The following COL28A1 variants were observed in gnomAD, a reference collection of about 807,000 sequenced individuals.
COL28A1 encodes collagen alpha-1(XXVIII) chain.
A neutral mutation model predicts 150.2 loss-of-function variants in COL28A1; 161 were observed. The ratio of observed to expected loss-of-function variants is 1.07; its 90% CI spans 0.94 to 1.22. The LOEUF is 1.22. Ranked by LOEUF, COL28A1 falls within the 50% of genes most tolerant of loss-of-function variation. COL28A1 has a pLI of 0.00. For synonymous variants in COL28A1, 552 were observed against 469.7 expected, an observed-to-expected ratio of 1.18 and a Z score of -2.26; for missense variants, 1,617 against 1,388.3, an observed-to-expected ratio of 1.16 and a Z score of -2.62.
At chr7:7,527,486 G>C (rs182195903) in intron 3 of COL28A1, among the ~76,000 whole-genome samples, 6 of 152,334 alleles carry the variant, frequency 3.9e-5, no homozygotes, top group African/African-American at 1.4e-4. Flanking sequence ...GTAGTTATGA[G>C]GAACATTTAA....
intron 18 of COL28A1, among the ~76,000 whole-genome samples, chr7:7,451,742 T>C (rs1786708824): frequency 6.6e-6 from 1 of 152,182 alleles, no homozygotes; most frequent in African/African-American, 2.4e-5. Context: ...CTTAGTATAC[T>C]GTGTAGCACA....
chr7:7,516,291 T>C (rs1230675294), intron 7 of COL28A1, among the ~76,000 whole-genome samples: 1 of 152,258 alleles, frequency 6.6e-6, no homozygotes, highest in Non-Finnish European at 1.5e-5. Flanking sequence ...AAAATGTGTG[T>C]AAATATTTGT....
At chr7:7,439,792 C>G (rs148557150) in intron 21 of COL28A1, among the ~76,000 whole-genome samples, 414 of 152,278 alleles carry the variant, frequency 2.7e-3, no homozygotes, top group African/African-American at 8.3e-3. Flanking sequence ...TTCCTGGGCT[C>G]ACTCACCACT....
chr7:7,445,125 T>G (rs1036761902), intron 18 of COL28A1, among the ~76,000 whole-genome samples: 8 of 152,172 alleles, frequency 5.3e-5, no homozygotes, highest in Admixed American at 3.9e-4. Context: ...AGCATCATGC[T>G]TCCTGTGCAG....
chr7:7,490,234 A>G (rs1295359789), intron 12 of COL28A1, among the ~76,000 whole-genome samples: 2 of 152,108 alleles, frequency 1.3e-5, no homozygotes, highest in Admixed American at 6.6e-5. Context: ...AATGTGAACC[A>G]TGATTGTTGA....
intron 3 of COL28A1, 44 bp from the exon 4 acceptor site, chr7:7,524,293 C>G (rs537521268): frequency 3.9e-6 from 4 of 1,034,942 alleles, no homozygotes; most frequent in South Asian, 3.8e-5. Context: ...ATTGATAGTT[C>G]TGCCTCCAGC....
intron 27 of COL28A1, among the ~76,000 whole-genome samples, chr7:7,404,965 C>T (rs1783413855): frequency 6.6e-6 from 1 of 152,140 alleles, no homozygotes; most frequent in Non-Finnish European, 1.5e-5. Context: ...CTCACTGCAG[C>T]CTCAACCTCC....
chr7:7,372,073 C>G (rs943310787), intron 32 of COL28A1, among the ~76,000 whole-genome samples: 3 of 152,008 alleles, frequency 2.0e-5, no homozygotes, highest in African/African-American at 7.2e-5. Context: ...CCTCGTGATC[C>G]ACTGTGCCTG....
At chr7:7,468,415 T>C (rs1160257121) in intron 15 of COL28A1, among the ~76,000 whole-genome samples, 1 of 55,956 alleles carries the variant, frequency 1.8e-5, no homozygotes, top group African/African-American at 9.9e-5. Context: ...CAGGAAGAAG[T>C]TGAATCTCTG....
chr7:7,403,133 A>G (rs973844971), intron 27 of COL28A1, among the ~76,000 whole-genome samples: 1 of 152,150 alleles, frequency 6.6e-6, no homozygotes, highest in African/African-American at 2.4e-5. Flanking sequence ...AGGACAGACT[A>G]TCTAATATGA....
chr7:7,375,005 C>T (rs1317983289), intron 31 of COL28A1, among the ~76,000 whole-genome samples: 2 of 152,176 alleles, frequency 1.3e-5, no homozygotes, highest in South Asian at 2.1e-4. Flanking sequence ...TCTGTCCTCC[C>T]ACCTTTGGGA....
At chr7:7,534,090 C>T (rs991686888) in intron 1 of COL28A1, among the ~76,000 whole-genome samples, 1 of 152,006 alleles carries the variant, frequency 6.6e-6, no homozygotes, top group Non-Finnish European at 1.5e-5. Flanking sequence ...ATGGATAAAC[C>T]CCAAAGGGAA....
In COL28A1 at chr7:7,373,865, A is replaced by C. The variant is rs373257171; in HGVS notation, c.2360-319T>G. ...CAGGCGCCCGCCACCTCGCCTGGCT[A>C]ATTTTTTGTATTTTTAGTAGAGACA... On this transcript the variant is annotated intron_variant, in intron 31 of 34. Coordinates refer to ENST00000399429, the MANE Select transcript of COL28A1 (RefSeq NM_001037763.3). This position sits in a 1 kb window ranked among gnomAD's most constrained non-coding sequence, Gnocchi z 4.1. 4.0e-5 allele frequency among the ~76,000 whole-genome samples: 6 copies of C among 151,362 alleles called. No individual in the cohort carries two copies. In the East Asian group the frequency reaches 9.7e-4, roughly 25 times the overall value.
At chr7:7,446,154 G>A (rs1449476030) in intron 18 of COL28A1, among the ~76,000 whole-genome samples, 1 of 151,804 alleles carries the variant, frequency 6.6e-6, no homozygotes, top group East Asian at 1.9e-4. Flanking sequence ...CACCGTGCCT[G>A]GCCAGTAATG....
Position 7,532,835 on chromosome 7 carries a change from G to A in COL28A1, c.41C>T (p.Ser14Leu). 1 of 1,611,552 alleles carries A rather than the reference G, an allele frequency of 6.2e-7. No individual in the cohort carries two copies. Among genetic ancestry groups the A allele is most frequent in the Non-Finnish European group, 8.5e-7 (1 of 1,179,060 alleles). ...GGATACTGTTTGACTCGTAAACGCT[G>A]ACAAAAGCAGGAGATAGAAGACAAA... Reference protein sequence around the residue: ...RYFVFYLLLLSAFTSQTVSGQ... With the variant: ...RYFVFYLLLLLAFTSQTVSGQ... The change falls in exon 2 of 35, where the codon TCA (serine) becomes TTA (leucine). Residue 14 changes from serine to leucine, a missense_variant. Ser to Leu is a moderately radical substitution (Grantham distance 145). Coordinates refer to ENST00000399429, the MANE Select transcript of COL28A1 (RefSeq NM_001037763.3).
intron 33 of COL28A1, among the ~76,000 whole-genome samples, chr7:7,365,201 T>A (rs1052979294): frequency 7.6e-5 from 3 of 39,254 alleles, no homozygotes; most frequent in African/African-American, 1.3e-4. Flanking sequence ...AATGGAAACA[T>A]TGGTTACTTC....
At chr7:7,458,214 C>T (rs757296243) in intron 15 of COL28A1, among the ~76,000 whole-genome samples, 2 of 152,038 alleles carry the variant, frequency 1.3e-5, no homozygotes. Context: ...ATCGGGAGTT[C>T]GAGACCAGCC....
rs1781378530 is a variant in COL28A1 at position 7,373,879 on chromosome 7, T to G, written c.2360-333A>C. On this transcript the variant is annotated intron_variant, in intron 31 of 34. Coordinates refer to ENST00000399429, the MANE Select transcript of COL28A1 (RefSeq NM_001037763.3). The surrounding 1 kb of genome is among the most constrained non-coding windows in gnomAD (Gnocchi z 4.1). ...CTCGCCTGGCTAATTTTTTGTATTTTTAGTAGAGACAGGGTTTCACCGTGT... is the reference window on the plus strand; with the variant it reads ...CTCGCCTGGCTAATTTTTTGTATTTGTAGTAGAGACAGGGTTTCACCGTGT... Among the ~76,000 whole-genome samples the G allele has an allele frequency of 6.6e-6, 1 of 151,496 alleles. No homozygotes were observed. The highest frequency in any genetic ancestry group is 2.1e-4 in the South Asian group (1 of 4,810).
In COL28A1 at chr7:7,373,361, C is replaced by G. The variant is rs764002165; in HGVS notation, c.2545G>C (p.Val849Leu). 1 of 1,614,204 alleles carries G rather than the reference C, an allele frequency of 6.2e-7. No individual in the cohort carries two copies. The highest frequency in any genetic ancestry group is 1.1e-5 in the South Asian group (1 of 91,082). ...IINYSHKVEK[V>L]ANLKQFSSKD... ...CTGGAGAACTGCTTCAAATTAGCCA[C>G]CTTCTCCACCTTATGGCTATAGTTG... is the stretch of plus-strand genomic sequence containing the variant. The change falls in exon 32 of 35, where the codon GTG becomes CTG. Residue 849 changes from valine to leucine, a missense_variant. By Grantham distance (32) the Val-to-Leu change is conservative (BLOSUM62 1). Transcript: ENST00000399429. The surrounding 1 kb of genome is among the most constrained non-coding windows in gnomAD (Gnocchi z 4.1).
Sources: allele counts gnomAD v4.1 joint callset (sites outside exome capture counted in the v4.1 genomes callset), GRCh38; gene constraint gnomAD v4.1.1; non-coding constraint Gnocchi (gnomAD v3.1); transcripts MANE v1.5; gene names NCBI Gene and HGNC (gene_info 2026-07-23, HGNC 2026-07-21).